EGFLAM: variants seen among roughly 807,000 people sequenced by gnomAD.
The protein encoded by EGFLAM is pikachurin.
Under a neutral mutation model 113.1 loss-of-function variants are expected in EGFLAM, and 79 were observed. That is an observed-to-expected ratio of 0.70 (90% CI 0.58 to 0.84). The LOEUF (loss-of-function observed/expected upper bound fraction) is 0.84. Among genes scored for constraint, EGFLAM ranks in the 40% least tolerant of loss-of-function variants. The probability of loss-of-function intolerance (pLI) is 0.00; values close to 1 mark genes in which losing one functional copy is unlikely to be tolerated. For missense variants in EGFLAM, 1,265 were observed against 1,291.6 expected, an observed-to-expected ratio of 0.98 and a Z score of 0.32; for synonymous variants, 504 against 487.6, an observed-to-expected ratio of 1.03 and a Z score of -0.44.
chr5:38,305,811 T>C (rs919041577), intron 1 of EGFLAM, among the ~76,000 whole-genome samples: 1 of 152,230 alleles, frequency 6.6e-6, no homozygotes, highest in Non-Finnish European at 1.5e-5. Context: ...ACCCTCTCGC[T>C]GTGACCCCAG....
In EGFLAM at chr5:38,359,581, A is replaced by G. The variant is rs140210618; in HGVS notation, c.545+7250A>G. On this transcript the variant is annotated intron_variant, in intron 5 of 21. Transcript: ENST00000322350. ...TCCCAGCTACTTGGGAGGTTGAGGC[A>G]CAAGAATTACTTGAACCCAGGAGGT... Among the ~76,000 whole-genome samples the G allele has an allele frequency of 6.8e-3, 1,033 of 152,308 alleles. 6 individuals carry two copies. Among genetic ancestry groups the G allele is most frequent in the Non-Finnish European group, 0.012 (787 of 68,024 alleles).
chr5:38,337,922 G>A (rs1739230107), intron 2 of EGFLAM, among the ~76,000 whole-genome samples: 1 of 152,090 alleles, frequency 6.6e-6, no homozygotes, highest in Non-Finnish European at 1.5e-5. Flanking sequence ...AGTCAAATCT[G>A]GAGAATAAAG....
At chr5:38,261,315 G>T (rs1168990331) in intron 1 of EGFLAM, among the ~76,000 whole-genome samples, 3 of 152,188 alleles carry the variant, frequency 2.0e-5, no homozygotes, top group Non-Finnish European at 2.9e-5. Context: ...AGAAATGACA[G>T]TTTTCAAATT....
At chr5:38,418,362 T>C in intron 12 of EGFLAM, 107 bp downstream of exon 12, 1 of 1,364,664 alleles carries the variant, frequency 7.3e-7, no homozygotes, top group Non-Finnish European at 9.9e-7. Flanking sequence ...GGTGCTACCC[T>C]GGGAAGCTGG....
rs139145011 is a variant in EGFLAM at position 38,384,683 on chromosome 5, C to T, written c.712+14221C>T. 6.0e-4 allele frequency among the ~76,000 whole-genome samples: 92 copies of T among 152,252 alleles called. 1 individual carries two copies. In the South Asian group the frequency reaches 0.013, roughly 22 times the overall value. On this transcript the variant is annotated intron_variant, in intron 6 of 21. Transcript: ENST00000322350. Reference sequence around the variant, plus strand: ...GACAGAGTGGCCCATAGGGACCTGGCTGTAAACCCAACAGAGGTTAAGAAA... The same window carrying T: ...GACAGAGTGGCCCATAGGGACCTGGTTGTAAACCCAACAGAGGTTAAGAAA...
At chr5:38,445,293 G>A (rs1418176754) in intron 17 of EGFLAM, among the ~76,000 whole-genome samples, 2 of 152,142 alleles carry the variant, frequency 1.3e-5, no homozygotes, top group African/African-American at 2.4e-5. Context: ...AATAATCATT[G>A]ACAAGGTAAG....
intron 1 of EGFLAM, among the ~76,000 whole-genome samples, chr5:38,331,765 C>A (rs942077358): frequency 6.6e-6 from 1 of 152,042 alleles, no homozygotes; most frequent in Non-Finnish European, 1.5e-5. Context: ...TAGCTCATTT[C>A]TTTTTAGCAC....
rs746848353 is a variant in EGFLAM, at chr5:38,438,341, G to A, written c.2350G>A (p.Ala784Thr). The A allele has an allele frequency of 1.1e-5, 17 of 1,614,126 alleles. No individual in the cohort carries two copies. The South Asian group carries it at 1.1e-4, about 10-fold the overall frequency. Residue 784 changes from alanine to threonine, a missense_variant, in exon 17 of 22, where the codon GCG becomes ACG. Coordinates refer to ENST00000322350, the MANE Select transcript of EGFLAM (RefSeq NM_152403.4). Reference protein sequence around the residue: ...DFTSGVNVENAAHPCVRAPCA... With the variant: ...DFTSGVNVENTAHPCVRAPCA... ...CACCTCCGGAGTGAATGTGGAGAATGCGGCCCACCCCTGTGTGAGAGCCCC... is the reference window on the plus strand; with the variant it reads ...CACCTCCGGAGTGAATGTGGAGAATACGGCCCACCCCTGTGTGAGAGCCCC...
intron 6 of EGFLAM, among the ~76,000 whole-genome samples, chr5:38,398,137 A>C (rs898121195): frequency 6.6e-6 from 1 of 152,240 alleles, no homozygotes; most frequent in Non-Finnish European, 1.5e-5. Context: ...CACTCTGCAG[A>C]ATGACATCCT....
At chr5:38,447,140 C>T (rs140663293) in intron 17 of EGFLAM, among the ~76,000 whole-genome samples, 42 of 152,256 alleles carry the variant, frequency 2.8e-4, no homozygotes, top group African/African-American at 9.4e-4. Context: ...TAGCCTCATC[C>T]CCCGTTCATG....
chr5:38,439,889 A>G (rs1742478282), intron 17 of EGFLAM, among the ~76,000 whole-genome samples: 1 of 152,236 alleles, frequency 6.6e-6, no homozygotes, highest in Non-Finnish European at 1.5e-5. Flanking sequence ...TGCTTGCCGT[A>G]TATCTAACAT....
At chr5:38,313,680 G>A (rs1738514895) in intron 1 of EGFLAM, among the ~76,000 whole-genome samples, 1 of 152,054 alleles carries the variant, frequency 6.6e-6, no homozygotes, top group East Asian at 1.9e-4. Flanking sequence ...AAAAAAACTT[G>A]TCTCGATTTA....
intron 11 of EGFLAM, 120 bp downstream of exon 11, chr5:38,412,768 G>A: frequency 7.1e-7 from 1 of 1,411,136 alleles, no homozygotes; most frequent in East Asian, 2.5e-5. Context: ...GATGGGCTTG[G>A]TAAGGCCTAT....
intron 1 of EGFLAM, among the ~76,000 whole-genome samples, chr5:38,265,570 C>T (rs1024662586): frequency 4.6e-5 from 7 of 152,170 alleles, no homozygotes; most frequent in Non-Finnish European, 8.8e-5. Context: ...TAGAGGAAAT[C>T]CCCCAAACTC....
chr5:38,423,553 T>C (rs905388779), intron 12 of EGFLAM, among the ~76,000 whole-genome samples: 5 of 152,158 alleles, frequency 3.3e-5, no homozygotes, highest in African/African-American at 1.2e-4. Context: ...CCAGCCAAGC[T>C]CTGGGAAGGA....
intron 20 of EGFLAM, among the ~76,000 whole-genome samples, chr5:38,462,398 C>T (rs1400558833): frequency 6.6e-6 from 1 of 152,150 alleles, no homozygotes; most frequent in Non-Finnish European, 1.5e-5. Context: ...AAGCGGTTGA[C>T]CGTTTGCTTG....
intron 5 of EGFLAM, among the ~76,000 whole-genome samples, chr5:38,363,744 C>T (rs960719741): frequency 1.6e-4 from 25 of 152,088 alleles, no homozygotes; most frequent in African/African-American, 5.8e-4. Flanking sequence ...AACATCATTC[C>T]GAGAAGGCGT....
At chr5:38,405,760 A>G (rs760418898) in intron 6 of EGFLAM, among the ~76,000 whole-genome samples, 5 of 152,322 alleles carry the variant, frequency 3.3e-5, no homozygotes, top group Non-Finnish European at 7.3e-5. Context: ...ACAAACATCT[A>G]CTTTATGAAA....
Position 38,278,490 on chromosome 5 carries a change from A to AT in EGFLAM, c.97+19654dup, listed in dbSNP as rs536338176. Among the ~76,000 whole-genome samples the AT allele has an allele frequency of 7.0e-3, 1,014 of 144,934 alleles. 2 individuals are homozygous for AT. Among genetic ancestry groups the AT allele is most frequent in the Middle Eastern group, 0.015 (4 of 274 alleles). On this transcript the variant is annotated intron_variant, in intron 1 of 21. Transcript: ENST00000322350. Reference sequence around the variant, plus strand: ...CTCTATAACATTGATCTGGTCAATGATTTTTTTTTTTTTTTCTGAGACAAG... The same window carrying AT: ...CTCTATAACATTGATCTGGTCAATGATTTTTTTTTTTTTTTTCTGAGACAAG...
Sources: gnomAD v4.1 joint callset for allele counts (sites outside exome capture counted in the v4.1 genomes callset) on GRCh38, gnomAD v4.1.1 for gene constraint, MANE v1.5 for transcripts, NCBI Gene and HGNC (gene_info 2026-07-23, HGNC 2026-07-21) for gene names.